NFIB: variants seen among roughly 807,000 people sequenced by gnomAD.
The protein encoded by NFIB is nuclear factor 1 B-type.
In NFIB, 11 loss-of-function variants were observed where a neutral mutation model predicts 61.5. The observed-to-expected ratio is 0.18, with a 90% CI of 0.11 to 0.30. The LOEUF (loss-of-function observed/expected upper bound fraction) is 0.30, where lower values mean the gene tolerates loss of function less well. Among genes scored for constraint, NFIB ranks in the 10% least tolerant of loss-of-function variants. The probability of loss-of-function intolerance (pLI) is 1.00; values close to 1 mark genes in which losing one functional copy is unlikely to be tolerated. For synonymous variants in NFIB, 260 were observed against 216.5 expected, an observed-to-expected ratio of 1.20 and a Z score of -1.76; for missense variants, 471 against 608.9, an observed-to-expected ratio of 0.77 and a Z score of 2.38.
chr9:14,154,436 C>T (rs1031118474), intron 4 of NFIB, among the ~76,000 whole-genome samples: 1 of 152,146 alleles, frequency 6.6e-6, no homozygotes, highest in Non-Finnish European at 1.5e-5. Context: ...CCTGATGCTA[C>T]AAAGTGCTAC....
intron 2 of NFIB, among the ~76,000 whole-genome samples, chr9:14,266,108 C>A (rs1186399223): frequency 6.6e-6 from 1 of 152,288 alleles, no homozygotes; most frequent in South Asian, 2.1e-4. Flanking sequence ...AGACCTCTCT[C>A]AAGGGTCCAT....
the NFIB span, among the ~76,000 whole-genome samples, chr9:14,496,380 G>C: frequency 1.3e-5 from 2 of 152,142 alleles, no homozygotes; most frequent in Admixed American, 6.5e-5. Context: ...CGTCACATGA[G>C]GTCAGGTGTG....
chr9:14,507,017 G>A, the NFIB span, among the ~76,000 whole-genome samples: 2 of 152,096 alleles, frequency 1.3e-5, no homozygotes, highest in African/African-American at 4.8e-5. Context: ...AGATTTAAAT[G>A]TTTTAAACAG....
chr9:14,465,347 A>G, the NFIB span, among the ~76,000 whole-genome samples: 1 of 152,198 alleles, frequency 6.6e-6, no homozygotes, highest in African/African-American at 2.4e-5. Flanking sequence ...ACAAACAGAA[A>G]GAAATCACAC....
the NFIB span, among the ~76,000 whole-genome samples, chr9:14,488,157 A>G: frequency 6.6e-6 from 1 of 152,052 alleles, no homozygotes; most frequent in African/African-American, 2.4e-5. Flanking sequence ...TGAGTCCAGG[A>G]GTTTGAGACC....
the NFIB span, among the ~76,000 whole-genome samples, chr9:14,499,027 C>A: frequency 4.6e-5 from 7 of 150,542 alleles, no homozygotes; most frequent in East Asian, 2.0e-4. Context: ...CACATGTGCA[C>A]GTGTGTGTGT....
chr9:14,505,868 A>G, the NFIB span, among the ~76,000 whole-genome samples: 2 of 152,220 alleles, frequency 1.3e-5, no homozygotes, highest in Non-Finnish European at 2.9e-5. Flanking sequence ...TTACACGTAT[A>G]TCATGACTGA....
At chr9:14,314,860 C>G (rs1048837090), upstream of NFIB, among the ~76,000 whole-genome samples, 18 of 151,826 alleles carry the variant, frequency 1.2e-4, no homozygotes, top group Admixed American at 5.2e-4. Flanking sequence ...CATACACACC[C>G]CCGAAAACCC....
the NFIB span, among the ~76,000 whole-genome samples, chr9:14,512,471 C>G: frequency 0.46 from 69,889 of 151,924 alleles, 17,198 homozygotes; most frequent in Middle Eastern, 0.6. Context: ...CTTCGTATTT[C>G]TAGGCATATC....
At position 14,113,089 on chromosome 9, in the gene NFIB, A is replaced by G; in HGVS notation, c.1385-8T>C. 6.5e-7 allele frequency: 1 copy of G among 1,548,272 alleles called. No individual in the cohort carries two copies. Among genetic ancestry groups the G allele is most frequent in the Non-Finnish European group, 8.7e-7 (1 of 1,145,950 alleles). ...TGCCTGAGGCTGTGTAGGCTGATTAAGGAAGAACAAAAACAAAGATAAAAA... is the reference window on the plus strand; with the variant it reads ...TGCCTGAGGCTGTGTAGGCTGATTAGGGAAGAACAAAAACAAAGATAAAAA... On this transcript the variant is annotated splice_region_variant and splice_polypyrimidine_tract_variant and intron_variant, in intron 9 of 10. Coordinates refer to ENST00000380953, the MANE Select transcript of NFIB (RefSeq NM_001190737.2).
the NFIB span, among the ~76,000 whole-genome samples, chr9:14,411,380 G>A: frequency 6.6e-6 from 1 of 152,128 alleles, no homozygotes; most frequent in African/African-American, 2.4e-5. Context: ...TCTTAGTCGA[G>A]TTCAGATAAA....
the NFIB span, among the ~76,000 whole-genome samples, chr9:14,518,561 G>A: frequency 2.6e-5 from 4 of 151,848 alleles, no homozygotes; most frequent in East Asian, 5.8e-4. Flanking sequence ...AGAAAGAGGA[G>A]TAGAAAGAAG....
rs915951142 is a variant in NFIB at position 14,322,651 on chromosome 9, G to T, written c.109-15131C>A. Among the ~76,000 whole-genome samples, 7 of 149,894 alleles carry T rather than the reference G, an allele frequency of 4.7e-5. No homozygotes were observed. The South Asian group carries it at 6.7e-4, about 14-fold the overall frequency. Reference sequence around the variant, plus strand: ...GCTCTTCGCTTCCGCCTGGCGGCGGGAAGGAAACCGAAAGGAGGAGCCGGG... The same window carrying T: ...GCTCTTCGCTTCCGCCTGGCGGCGGTAAGGAAACCGAAAGGAGGAGCCGGG... On this transcript the variant is annotated intron_variant, in intron 1 of 8. Transcript: ENST00000380934.
chr9:14,489,631 G>C, the NFIB span, among the ~76,000 whole-genome samples: 17 of 152,028 alleles, frequency 1.1e-4, no homozygotes, highest in African/African-American at 4.1e-4. Context: ...CTCCTCCATA[G>C]GGACAATCGC....
intron 10 of NFIB, among the ~76,000 whole-genome samples, chr9:14,108,807 C>G (rs2036931640): frequency 6.6e-6 from 1 of 152,006 alleles, no homozygotes; most frequent in Admixed American, 6.6e-5. Context: ...TTAGGGAAGG[C>G]AAAAGTGAGC....
At chr9:14,296,710 C>T (rs1369457785) in intron 2 of NFIB, among the ~76,000 whole-genome samples, 1 of 152,234 alleles carries the variant, frequency 6.6e-6, no homozygotes, top group Non-Finnish European at 1.5e-5. Context: ...GGGCTTCCAG[C>T]CTCCAGAACT....
At chr9:14,238,868 T>C (rs1369965203) in intron 2 of NFIB, among the ~76,000 whole-genome samples, 1 of 152,170 alleles carries the variant, frequency 6.6e-6, no homozygotes, top group Non-Finnish European at 1.5e-5. Context: ...CAAAAATAAA[T>C]GAATGAATGA....
intron 2 of NFIB, among the ~76,000 whole-genome samples, chr9:14,295,436 C>A (rs2059372980): frequency 1.3e-5 from 2 of 151,966 alleles, no homozygotes; most frequent in Admixed American, 1.3e-4. Flanking sequence ...ATCATCCTGG[C>A]TAACACTGTG....
intron 4 of NFIB, among the ~76,000 whole-genome samples, chr9:14,150,945 T>A (rs1487839298): frequency 1.3e-5 from 2 of 152,154 alleles, no homozygotes; most frequent in African/African-American, 4.8e-5. Context: ...TTTGTATAAT[T>A]ACATCTGTTC....
Sources: gnomAD v4.1 joint callset for allele counts (sites outside exome capture counted in the v4.1 genomes callset) on GRCh38, gnomAD v4.1.1 for gene constraint, MANE v1.5 for transcripts, NCBI Gene and HGNC (gene_info 2026-07-23, HGNC 2026-07-21) for gene names.